Variants in IQSEC3 observed in about 807,000 individuals in gnomAD.
IQSEC3 encodes the protein IQ motif and SEC7 domain-containing protein 3.
IQSEC3 carries 50 observed loss-of-function variants against 105.4 expected under a neutral mutation model. The observed-to-expected ratio is 0.47, with a 90% CI of 0.38 to 0.60. IQSEC3 has a LOEUF of 0.60. IQSEC3 is among the 20% of genes least tolerant of loss of function. IQSEC3 has a pLI of 0.00. For missense variants in IQSEC3, 1,415 were observed against 1,630.0 expected, an observed-to-expected ratio of 0.87 and a Z score of 2.27; for synonymous variants, 708 against 746.0, an observed-to-expected ratio of 0.95 and a Z score of 0.83.
At chr12:73,225 G>T (rs541200195) in intron 1 of IQSEC3, among the ~76,000 whole-genome samples, 3 of 152,128 alleles carry the variant, frequency 2.0e-5, no homozygotes, top group Admixed American at 1.3e-4. Flanking sequence ...GGGCAAGCAC[G>T]CCTGGGGAGA....
At chr12:110,025 T>C (rs11831771) in intron 2 of IQSEC3, among the ~76,000 whole-genome samples, 7,336 of 152,172 alleles carry the variant, frequency 0.048, 346 homozygotes, top group African/African-American at 0.13. Flanking sequence ...TCAACAGCTT[T>C]CAGCAGCCAG....
At chr12:108,424 C>T (rs1864756115) in intron 2 of IQSEC3, among the ~76,000 whole-genome samples, 1 of 152,214 alleles carries the variant, frequency 6.6e-6, no homozygotes, top group Admixed American at 6.5e-5. Flanking sequence ...ACCTTTTTCT[C>T]ATAAGGTTTG....
At chr12:168,636 C>T (rs536463802) in intron 11 of IQSEC3, among the ~76,000 whole-genome samples, 65 of 152,272 alleles carry the variant, frequency 4.3e-4, no homozygotes, top group Non-Finnish European at 7.5e-4. Context: ...TTAATGACAC[C>T]GTGAAGTGGG....
chr12:79,235 C>T (rs1565380091), intron 1 of IQSEC3, among the ~76,000 whole-genome samples: 1 of 151,924 alleles, frequency 6.6e-6, no homozygotes, highest in Non-Finnish European at 1.5e-5. Flanking sequence ...CCCTCACCCC[C>T]CGCCTAGCTT....
intron 2 of IQSEC3, 120 bp downstream of exon 2, chr12:99,334 G>C (rs1555075547): frequency 1.9e-5 from 18 of 928,374 alleles, no homozygotes; most frequent in Non-Finnish European, 2.8e-5. Context: ...GGGGTAATTT[G>C]TTTGCTTTCA....
intron 7 of IQSEC3, 68 bp downstream of exon 7, chr12:157,762 A>T: frequency 1.3e-6 from 2 of 1,516,010 alleles, no homozygotes; most frequent in Non-Finnish European, 1.8e-6. Flanking sequence ...TGCACCGTGC[A>T]TTCTGTGAGT....
At chr12:134,290 G>A (rs999073816) in intron 3 of IQSEC3, among the ~76,000 whole-genome samples, 2 of 152,234 alleles carry the variant, frequency 1.3e-5, no homozygotes, top group African/African-American at 4.8e-5. Context: ...TGCCCTCGTG[G>A]GACTTGATGT....
rs1033449244 is a variant in IQSEC3, at chr12:114,572, G to A, written c.624-11061G>A. Among the ~76,000 whole-genome samples the A allele has an allele frequency of 5.3e-5, 8 of 152,316 alleles. 1 individual carries two copies. Among genetic ancestry groups the A allele is most frequent in the South Asian group, 2.1e-4 (1 of 4,824 alleles). On this transcript the variant is annotated intron_variant, in intron 2 of 13. Transcript: ENST00000538872. ...AAGAGATCAAAGAAGCTAAAGACCC[G>A]GATGAATGTCAATCAAGTAGGGCCA... is the stretch of plus-strand genomic sequence containing the variant.
At chr12:117,794 G>A (rs1555081004) in intron 2 of IQSEC3, among the ~76,000 whole-genome samples, 2 of 152,246 alleles carry the variant, frequency 1.3e-5, no homozygotes, top group East Asian at 3.8e-4. Flanking sequence ...CAGCCAGCGA[G>A]GTCAGGGCAG....
chr12:99,720 G>C (rs868952066), intron 2 of IQSEC3, among the ~76,000 whole-genome samples: 2 of 152,316 alleles, frequency 1.3e-5, no homozygotes, highest in Middle Eastern at 3.4e-3. Context: ...CCTCGGACTG[G>C]AGCGGGAGTG....
chr12:175,850 C>T lies in IQSEC3; in HGVS notation c.*817C>T, dbSNP rs910921538. 6.6e-6 allele frequency: 1 copy of T among 152,402 alleles called. No homozygotes were observed. The highest frequency in any genetic ancestry group is 2.1e-4 in the South Asian group (1 of 4,834). The allele number at this position is 152,402 out of a possible 1,614,324, so 9.4% of individuals were successfully genotyped here. On this transcript the variant is annotated 3_prime_UTR_variant, in exon 14 of 14. Coordinates refer to ENST00000538872, the MANE Select transcript of IQSEC3 (RefSeq NM_001170738.2). ...GCCCCAGCTAATACCCGGCCAATGC[C>T]GTGTACGCACCGGCATGTGCACGCA...
At chr12:139,425 C>G in intron 4 of IQSEC3, 71 bp downstream of exon 4, 1 of 1,306,104 alleles carries the variant, frequency 7.7e-7, no homozygotes, top group Non-Finnish European at 1.0e-6. Context: ...AGGGCACCTT[C>G]CCTCCACCAA....
intron 9 of IQSEC3, among the ~76,000 whole-genome samples, chr12:165,110 G>C (rs1388766731): frequency 6.6e-6 from 1 of 152,242 alleles, no homozygotes; most frequent in African/African-American, 2.4e-5. Flanking sequence ...GTGGAACTGA[G>C]CTTGCCCTTC....
chr12:134,201 A>G (rs1865684686), intron 3 of IQSEC3, among the ~76,000 whole-genome samples: 1 of 152,248 alleles, frequency 6.6e-6, no homozygotes, highest in South Asian at 2.1e-4. Context: ...TGTCGAATAC[A>G]CACTCATTGA....
intron 1 of IQSEC3, among the ~76,000 whole-genome samples, chr12:69,597 G>C (rs1347937752): frequency 2.0e-5 from 3 of 152,256 alleles, no homozygotes; most frequent in Admixed American, 2.0e-4. Context: ...TTTTTCTCCT[G>C]CTCCCCAATC....
chr12:132,208 G>A (rs1432505308), intron 3 of IQSEC3, among the ~76,000 whole-genome samples: 3 of 152,160 alleles, frequency 2.0e-5, no homozygotes, highest in Non-Finnish European at 2.9e-5. Context: ...TGGGAGTTGA[G>A]GTTGGGGAGA....
chr12:90,006 A>C (rs1864031761), intron 1 of IQSEC3, among the ~76,000 whole-genome samples: 1 of 152,278 alleles, frequency 6.6e-6, no homozygotes, highest in Non-Finnish European at 1.5e-5. Flanking sequence ...ACTGTTTTCC[A>C]AAGTGTGGCA....
At chr12:166,002 T>TTTTGAAGAGTCTAGGCTGCCTTCTTA in intron 11 of IQSEC3, 112 bp downstream of exon 11, 1 of 1,237,898 alleles carries the variant, frequency 8.1e-7, no homozygotes, top group Non-Finnish European at 1.1e-6. Flanking sequence ...CTTCGGACCC[T>TTTTGAAGAGTCTAGGCTGCCTTCTTA]CCCCGTGTCC....
At chr12:83,444 C>T (rs145429849) in intron 1 of IQSEC3, among the ~76,000 whole-genome samples, 1,559 of 151,964 alleles carry the variant, frequency 0.01, 28 homozygotes, top group African/African-American at 0.036. Flanking sequence ...GGGAGGATAG[C>T]TCTGAAGAGA....
Sources: allele counts gnomAD v4.1 joint callset (sites outside exome capture counted in the v4.1 genomes callset), GRCh38; gene constraint gnomAD v4.1.1; transcripts MANE v1.5; gene names NCBI Gene and HGNC (gene_info 2026-07-23, HGNC 2026-07-21).